Variants in CYRIB observed in about 807,000 individuals in gnomAD.
CYRIB encodes the protein CYFIP related Rac1 interactor B.
In CYRIB, 8 loss-of-function variants were observed where a neutral mutation model predicts 44.2. The ratio of observed to expected loss-of-function variants is 0.18; its 90% CI spans 0.11 to 0.33. The LOEUF is 0.33. Ranked by LOEUF, CYRIB falls within the 10% of genes least tolerant of loss-of-function variation. The pLI, the probability that CYRIB is intolerant of heterozygous loss-of-function variation, is 1.00. For synonymous variants in CYRIB, 131 were observed against 127.2 expected, an observed-to-expected ratio of 1.03 and a Z score of -0.20; for missense variants, 185 against 382.8, an observed-to-expected ratio of 0.48 and a Z score of 4.31.
chr8:129,889,823 G>C (rs142782011), intron 2 of CYRIB, among the ~76,000 whole-genome samples: 364 of 150,512 alleles, frequency 2.4e-3, no homozygotes, highest in African/African-American at 8.8e-3. Flanking sequence ...TTTTGAGACA[G>C]AGTTTCCACC....
At chr8:130,003,909 C>T (rs767865606) in intron 1 of CYRIB, among the ~76,000 whole-genome samples, 10 of 152,210 alleles carry the variant, frequency 6.6e-5, no homozygotes, top group Non-Finnish European at 1.5e-4. Context: ...AGATCAACTC[C>T]TGGATGGGGC....
intron 3 of CYRIB, among the ~76,000 whole-genome samples, chr8:129,873,338 T>C (rs1196814486): frequency 1.3e-5 from 2 of 152,132 alleles, no homozygotes; most frequent in East Asian, 1.9e-4. Flanking sequence ...AGCTTTCTTA[T>C]AGATCAAGCT....
At chr8:129,911,620 T>C (rs1211169645) in intron 1 of CYRIB, among the ~76,000 whole-genome samples, 1 of 151,654 alleles carries the variant, frequency 6.6e-6, no homozygotes, top group Non-Finnish European at 1.5e-5. Flanking sequence ...ACCAACATGG[T>C]GAAACCCTGT....
At chr8:129,933,603 C>A (rs903830404) in intron 1 of CYRIB, among the ~76,000 whole-genome samples, 1 of 152,106 alleles carries the variant, frequency 6.6e-6, no homozygotes, top group Non-Finnish European at 1.5e-5. Context: ...AAGCCGGGTG[C>A]GGTGGCTCGC....
At chr8:129,943,138 G>A (rs1456224102), upstream of CYRIB, among the ~76,000 whole-genome samples, 1 of 142,318 alleles carries the variant, frequency 7.0e-6, no homozygotes, top group Non-Finnish European at 1.5e-5. Flanking sequence ...CTGGGAAGAA[G>A]GAGAGTAAGA....
At chr8:129,977,591 G>A (rs915263593) in intron 1 of CYRIB, among the ~76,000 whole-genome samples, 6 of 151,772 alleles carry the variant, frequency 4.0e-5, no homozygotes, top group Admixed American at 3.9e-4. Flanking sequence ...GAGTGCAGTG[G>A]AGCGATCTCG....
Position 129,908,156 on chromosome 8 carries a change from A to C in CYRIB, c.-49-4806T>G, listed in dbSNP as rs2136121492. Among the ~76,000 whole-genome samples the C allele has an allele frequency of 1.3e-5, 2 of 152,326 alleles. 1 individual carries two copies. Among genetic ancestry groups the C allele is most frequent in the South Asian group, 4.1e-4 (2 of 4,834 alleles). ...AAGAATCTTACTTATCTTTGGAGGAATAATATGCTAAAATATAAAGCACTA... is the reference window on the plus strand; with the variant it reads ...AAGAATCTTACTTATCTTTGGAGGACTAATATGCTAAAATATAAAGCACTA... On this transcript the variant is annotated intron_variant, in intron 1 of 11. Transcript: ENST00000519824.
At chr8:129,932,414 A>G (rs1258933363) in intron 1 of CYRIB, among the ~76,000 whole-genome samples, 1 of 152,142 alleles carries the variant, frequency 6.6e-6, no homozygotes, top group African/African-American at 2.4e-5. Flanking sequence ...AGCAAAGGGC[A>G]GGCGTGCTTA....
chr8:129,999,899 G>A (rs1394151584), intron 1 of CYRIB, among the ~76,000 whole-genome samples: 2 of 152,212 alleles, frequency 1.3e-5, no homozygotes, highest in African/African-American at 2.4e-5. Flanking sequence ...AAAGTGTTGG[G>A]ATTACAGGCA....
intron 5 of CYRIB, among the ~76,000 whole-genome samples, chr8:129,858,936 G>C (rs1024525689): frequency 1.3e-5 from 2 of 152,164 alleles, no homozygotes; most frequent in African/African-American, 4.8e-5. Context: ...CCACAGGGTC[G>C]GTGGGTTTCT....
chr8:130,010,523 C>A (rs1452847183), intron 1 of CYRIB, among the ~76,000 whole-genome samples: 4 of 152,122 alleles, frequency 2.6e-5, no homozygotes, highest in Admixed American at 1.3e-4. Flanking sequence ...GCTCACACTG[C>A]CTCTCCTCCC....
At chr8:129,986,515 A>T (rs1009439403) in intron 1 of CYRIB, among the ~76,000 whole-genome samples, 3 of 152,148 alleles carry the variant, frequency 2.0e-5, no homozygotes, top group African/African-American at 7.2e-5. Context: ...TCGTGAATGG[A>T]TTCATCCATT....
At chr8:129,843,973 A>G (rs1028856808) in intron 11 of CYRIB, 6 of 152,228 alleles carry the variant, frequency 3.9e-5, no homozygotes, top group Admixed American at 6.5e-5. Context: ...AGAAAAAAAA[A>G]TCCATAAAGG....
chr8:129,869,985 A>AG (rs981628266), intron 4 of CYRIB, among the ~76,000 whole-genome samples: 8 of 147,374 alleles, frequency 5.4e-5, no homozygotes, highest in African/African-American at 7.4e-5. Context: ...GGGTGGGGGG[A>AG]GGGGGGGCGT....
At chr8:129,849,022 C>T (rs2131371592) in intron 10 of CYRIB, among the ~76,000 whole-genome samples, 1 of 152,238 alleles carries the variant, frequency 6.6e-6, no homozygotes, top group East Asian at 1.9e-4. Flanking sequence ...CCAGGAGGTA[C>T]TCACTAGACA....
chr8:130,013,520 G>GA (rs1274405618), intron 1 of CYRIB, among the ~76,000 whole-genome samples: 1 of 152,192 alleles, frequency 6.6e-6, no homozygotes, highest in Non-Finnish European at 1.5e-5. Flanking sequence ...CTTAAAATCT[G>GA]AATTTTCAGC....
At chr8:129,910,014 G>A (rs1040417964) in intron 1 of CYRIB, among the ~76,000 whole-genome samples, 1 of 152,240 alleles carries the variant, frequency 6.6e-6, no homozygotes, top group African/African-American at 2.4e-5. Flanking sequence ...GGGGATGCCT[G>A]GAGTCTGGAG....
At chr8:129,994,517 G>T (rs754222702) in intron 1 of CYRIB, among the ~76,000 whole-genome samples, 1 of 152,108 alleles carries the variant, frequency 6.6e-6, no homozygotes, top group Non-Finnish European at 1.5e-5. Context: ...GAACTGAACC[G>T]CAGAAGCCTG....
chr8:129,852,106 G>A lies in CYRIB; in HGVS notation c.633+56C>T, dbSNP rs191531660. 2.8e-5 allele frequency: 30 copies of A among 1,063,078 alleles called. No individual in the cohort carries two copies. The East Asian group carries it at 5.8e-4, about 20-fold the overall frequency. The allele number at this position is 1,063,078 out of a possible 1,614,324, so 65.9% of individuals were successfully genotyped here. On this transcript the variant is annotated intron_variant, in intron 8 of 11. Transcript: ENST00000519824. ...AATGTCTTGGGCTTGCTGACATCAC[G>A]TCTGCCAACAGGGGCATAAATAACA...
Sources: gnomAD v4.1 joint callset for allele counts (sites outside exome capture counted in the v4.1 genomes callset) on GRCh38, gnomAD v4.1.1 for gene constraint, MANE v1.5 for transcripts, NCBI Gene and HGNC (gene_info 2026-07-23, HGNC 2026-07-21) for gene names.